Variants in HDAC8 observed in about 807,000 individuals in gnomAD.
HDAC8 encodes histone deacetylase 8.
Under a neutral mutation model 32.2 loss-of-function variants are expected in HDAC8, and 1 was observed. That is an observed-to-expected ratio of 0.03 (90% confidence interval 0.01 to 0.15). The LOEUF (loss-of-function observed/expected upper bound fraction) is 0.15. Ranked by LOEUF, HDAC8 falls within the 10% of genes least tolerant of loss-of-function variation. HDAC8 has a pLI of 1.00. For missense variants in HDAC8, 117 were observed against 300.0 expected (o/e 0.39, Z 4.51); for synonymous variants, 108 against 113.9 (o/e 0.95, Z 0.33).
intron 9 of HDAC8, among the ~76,000 whole-genome samples, chrX:72,376,824 T>C (rs2045094135): frequency 8.9e-6 from 1 of 112,115 alleles, no homozygotes; most frequent in African/African-American, 3.2e-5. Flanking sequence ...TTTCTTATTT[T>C]TAAGCAGACC....
chrX:72,572,607 C>T, intron 1 of HDAC8, 44 bp downstream of exon 1: 1 of 581,191 alleles, frequency 1.7e-6, no homozygotes, highest in Non-Finnish European at 2.5e-6. Flanking sequence ...CCGCCCCCAC[C>T]CCCACCCCCA....
At chrX:72,542,156 T>C (rs1170988061) in intron 4 of HDAC8, among the ~76,000 whole-genome samples, 1 of 112,366 alleles carries the variant, frequency 8.9e-6, no homozygotes, top group Non-Finnish European at 1.9e-5. Flanking sequence ...TCTGCTGTCA[T>C]TAATTTTGTT....
At chrX:72,345,446 G>A (rs1388413316) in intron 10 of HDAC8, among the ~76,000 whole-genome samples, 1 of 111,019 alleles carries the variant, frequency 9.0e-6, no homozygotes, top group Non-Finnish European at 1.9e-5. Context: ...GTCTTCGGGT[G>A]CCAGTCTCCT....
chrX:72,506,620 C>T (rs1471020245), intron 4 of HDAC8, among the ~76,000 whole-genome samples: 2 of 111,429 alleles, frequency 1.8e-5, no homozygotes, highest in African/African-American at 6.5e-5. Flanking sequence ...TTAGGCTCCA[C>T]CTCTTAACAT....
At chrX:72,570,673 G>A (rs887274247) in intron 2 of HDAC8, among the ~76,000 whole-genome samples, 3 of 109,769 alleles carry the variant, frequency 2.7e-5, no homozygotes, top group Non-Finnish European at 5.7e-5. Context: ...TAATAATAAG[G>A]ATAAAATCTG....
At chrX:72,549,729 A>G (rs968942607) in intron 4 of HDAC8, among the ~76,000 whole-genome samples, 4 of 111,829 alleles carry the variant, frequency 3.6e-5, no homozygotes, top group African/African-American at 1.3e-4. Flanking sequence ...AGAAATCTAG[A>G]CCACCCCTTC....
intron 9 of HDAC8, among the ~76,000 whole-genome samples, chrX:72,391,894 T>C (rs1210941375): frequency 8.9e-6 from 1 of 111,798 alleles, no homozygotes; most frequent in Non-Finnish European, 1.9e-5. Flanking sequence ...TAATTTTTTC[T>C]TTCTCACACT....
chrX:72,428,575 T>G, intron 9 of HDAC8, among the ~76,000 whole-genome samples: 1 of 111,750 alleles, frequency 8.9e-6, no homozygotes, highest in Non-Finnish European at 1.9e-5. Context: ...TCTGAAAGAT[T>G]AGCTTGGAGG....
intron 9 of HDAC8, among the ~76,000 whole-genome samples, chrX:72,461,687 T>C (rs2047870844): frequency 8.9e-6 from 1 of 111,833 alleles, no homozygotes; most frequent in African/African-American, 3.3e-5. Context: ...CCCTTCCTTT[T>C]TGAGGCTAGG....
chrX:72,490,052 G>C (rs1312799016), intron 6 of HDAC8, among the ~76,000 whole-genome samples: 1 of 111,397 alleles, frequency 9.0e-6, no homozygotes, highest in Non-Finnish European at 1.9e-5. Context: ...ATCACAATGA[G>C]ACACCATCTC....
chrX:72,530,399 TA>T (rs2050294862), intron 4 of HDAC8, among the ~76,000 whole-genome samples: 1 of 110,751 alleles, frequency 9.0e-6, no homozygotes, highest in Non-Finnish European at 1.9e-5. Flanking sequence ...TGATAGCAAT[TA>T]TAATCTGTCT....
chrX:72,362,584 G>A (rs1338484609), intron 9 of HDAC8, among the ~76,000 whole-genome samples: 6 of 112,175 alleles, frequency 5.3e-5, no homozygotes, highest in Admixed American at 9.5e-5. Context: ...TACCTTTTAG[G>A]ATTGTTGTGA....
At chrX:72,555,441 T>G (rs1468523493) in intron 4 of HDAC8, among the ~76,000 whole-genome samples, 1 of 112,215 alleles carries the variant, frequency 8.9e-6, no homozygotes, top group Non-Finnish European at 1.9e-5. Context: ...GAAGGTCGAT[T>G]ATTAAGCTAA....
chrX:72,349,391 A>G, intron 10 of HDAC8, among the ~76,000 whole-genome samples: 1 of 112,117 alleles, frequency 8.9e-6, no homozygotes, highest in East Asian at 2.8e-4. Flanking sequence ...ACTCATACTG[A>G]GCTCCGAGTT....
chrX:72,394,690 A>T (rs2045712797), intron 9 of HDAC8, among the ~76,000 whole-genome samples: 1 of 111,811 alleles, frequency 8.9e-6, no homozygotes, highest in Admixed American at 9.5e-5. Context: ...CTGCTCTGAG[A>T]CGCCTCTGTA....
chrX:72,525,596 G>A (rs2050116684), intron 4 of HDAC8, among the ~76,000 whole-genome samples: 2 of 109,505 alleles, frequency 1.8e-5, no homozygotes, highest in Non-Finnish European at 3.8e-5. Context: ...GGTGGATCAC[G>A]AGGTCAGCAG....
At chrX:72,495,095 G>A (rs1466841285) in intron 5 of HDAC8, 61 bp downstream of exon 5, 3 of 803,583 alleles carry the variant, frequency 3.7e-6, no homozygotes, top group Non-Finnish European at 3.7e-6. Context: ...CCTAGAAGCA[G>A]CTTAACTGAT....
chrX:72,387,451 C>T (rs973324346), intron 9 of HDAC8, among the ~76,000 whole-genome samples: 4 of 111,596 alleles, frequency 3.6e-5, no homozygotes, highest in Non-Finnish European at 5.7e-5. Context: ...CACTCCCTGC[C>T]GTCATCATCA....
intron 10 of HDAC8, among the ~76,000 whole-genome samples, chrX:72,345,908 T>G (rs1188926163): frequency 9.0e-6 from 1 of 111,583 alleles, no homozygotes; most frequent in Admixed American, 9.5e-5. Flanking sequence ...GGTCTTGAAC[T>G]CCTCGGCTCA....
Sources: allele counts gnomAD v4.1 joint callset (sites outside exome capture counted in the v4.1 genomes callset), GRCh38; gene constraint gnomAD v4.1.1; transcripts MANE v1.5; gene names NCBI Gene and HGNC (gene_info 2026-07-23, HGNC 2026-07-21).